The following CNTN4 variants were observed in gnomAD, a reference collection of about 807,000 sequenced individuals.
CNTN4 encodes the protein contactin 4.
In CNTN4, 77 loss-of-function variants were observed where a neutral mutation model predicts 122.5. The ratio of observed to expected loss-of-function variants is 0.63; its 90% CI spans 0.52 to 0.76. CNTN4 has a LOEUF of 0.76. Among genes scored for constraint, CNTN4 ranks in the 30% least tolerant of loss-of-function variants. The pLI is 0.00. For missense variants in CNTN4, 1,256 were observed against 1,259.1 expected, an observed-to-expected ratio of 1.00 and a Z score of 0.04; for synonymous variants, 512 against 447.0, an observed-to-expected ratio of 1.15 and a Z score of -1.83.
At chr3:2,197,749 C>G (rs2037913316) in intron 2 of CNTN4, among the ~76,000 whole-genome samples, 1 of 152,128 alleles carries the variant, frequency 6.6e-6, no homozygotes, top group Non-Finnish European at 1.5e-5. Flanking sequence ...GGCACGGTGG[C>G]TCATGCCTGT....
At chr3:2,108,513 T>C (rs2032655634) in intron 2 of CNTN4, among the ~76,000 whole-genome samples, 1 of 152,168 alleles carries the variant, frequency 6.6e-6, no homozygotes, top group South Asian at 2.1e-4. Flanking sequence ...TACATTGTAA[T>C]AGCTCTCATT....
At chr3:2,483,130 C>T (rs761000543) in intron 3 of CNTN4, among the ~76,000 whole-genome samples, 9 of 152,270 alleles carry the variant, frequency 5.9e-5, no homozygotes, top group South Asian at 2.1e-4. Context: ...GGTAGAGCTG[C>T]CCAAGGCTGT....
intron 14 of CNTN4, among the ~76,000 whole-genome samples, chr3:3,015,425 A>G (rs1697653123): frequency 6.6e-6 from 1 of 152,170 alleles, no homozygotes; most frequent in South Asian, 2.1e-4. Context: ...TACATCAAAT[A>G]AAGAGAGGGT....
At chr3:2,712,461 C>G (rs1446728297) in intron 4 of CNTN4, among the ~76,000 whole-genome samples, 6 of 152,022 alleles carry the variant, frequency 3.9e-5, no homozygotes, top group Admixed American at 3.9e-4. Flanking sequence ...TGATTAAGAT[C>G]CCTGTAACAG....
intron 3 of CNTN4, among the ~76,000 whole-genome samples, chr3:2,540,060 T>C (rs1049017016): frequency 4.2e-5 from 6 of 142,908 alleles, no homozygotes; most frequent in Non-Finnish European, 7.7e-5. Context: ...ATAATCTGCT[T>C]CATCAGTGTT....
chr3:2,355,510 A>G (rs1012727552), intron 3 of CNTN4, among the ~76,000 whole-genome samples: 3 of 152,228 alleles, frequency 2.0e-5, no homozygotes, highest in Non-Finnish European at 4.4e-5. Flanking sequence ...TGTTCAGGTC[A>G]GGAGCAAAGG....
intron 8 of CNTN4, among the ~76,000 whole-genome samples, chr3:2,881,818 C>T (rs2093914231): frequency 6.6e-6 from 1 of 151,938 alleles, no homozygotes; most frequent in African/African-American, 2.4e-5. Flanking sequence ...GTGATTGCAC[C>T]TGTCCCCCAT....
intron 3 of CNTN4, among the ~76,000 whole-genome samples, chr3:2,467,139 T>G (rs1322598460): frequency 6.6e-6 from 1 of 151,060 alleles, no homozygotes; most frequent in Non-Finnish European, 1.5e-5. Flanking sequence ...ATGGGTTTTT[T>G]TTTTTTTTTT....
chr3:2,811,586 G>A (rs931461703), intron 6 of CNTN4, among the ~76,000 whole-genome samples: 6 of 149,794 alleles, frequency 4.0e-5, no homozygotes, highest in African/African-American at 9.8e-5. Flanking sequence ...TCAGCGTCCC[G>A]AGTAGCTGGG....
chr3:2,843,943 G>GA (rs954930490), intron 7 of CNTN4, among the ~76,000 whole-genome samples: 7 of 152,244 alleles, frequency 4.6e-5, no homozygotes, highest in African/African-American at 1.7e-4. Context: ...TTCTCACTCA[G>GA]AAAAAAATCC....
intron 4 of CNTN4, among the ~76,000 whole-genome samples, chr3:2,731,478 G>A (rs1337107118): frequency 1.3e-5 from 2 of 152,182 alleles, no homozygotes; most frequent in African/African-American, 4.8e-5. Context: ...CAGTATTGGT[G>A]CCTGCACTAG....
intron 2 of CNTN4, among the ~76,000 whole-genome samples, chr3:2,105,449 A>G (rs989343748): frequency 1.3e-5 from 2 of 152,222 alleles, no homozygotes; most frequent in Non-Finnish European, 2.9e-5. Flanking sequence ...TCAGTTCCGC[A>G]TGGCCTCAGG....
intron 2 of CNTN4, among the ~76,000 whole-genome samples, chr3:2,263,398 A>G (rs1320978648): frequency 1.3e-5 from 2 of 152,144 alleles, no homozygotes; most frequent in African/African-American, 2.4e-5. Context: ...ACATTTTAAA[A>G]CAAATGCACC....
rs2093728287 is a variant in CNTN4, at chr3:2,866,739, T to A, written c.455-13T>A. On this transcript the variant is annotated splice_polypyrimidine_tract_variant and intron_variant, in intron 7 of 24. Coordinates refer to ENST00000418658, the MANE Select transcript of CNTN4 (RefSeq NM_175607.3). ...AAAAGACATATTTGTAATGAAGATT[T>A]TTTTCCTTTCAGAGCTGAGTTATGC... is the stretch of plus-strand genomic sequence containing the variant. The A allele has an allele frequency of 6.2e-7, 1 of 1,611,718 alleles. No individual in the cohort carries two copies.
chr3:2,333,330 ACCT>A (rs2043814124), intron 2 of CNTN4, among the ~76,000 whole-genome samples: 1 of 152,136 alleles, frequency 6.6e-6, no homozygotes, highest in African/African-American at 2.4e-5. Context: ...TTGATAGGAA[ACCT>A]CCTACACTGT....
At chr3:2,800,918 A>G (rs898681314) in intron 6 of CNTN4, among the ~76,000 whole-genome samples, 1 of 152,080 alleles carries the variant, frequency 6.6e-6, no homozygotes, top group Admixed American at 6.6e-5. Context: ...ACTCAAACGC[A>G]CCTACTTCCT....
rs1307894713 is a variant in CNTN4 at position 2,638,752 on chromosome 3, C to A, written c.55+67194C>A. Among the ~76,000 whole-genome samples the A allele has an allele frequency of 3.3e-5, 5 of 152,318 alleles. No homozygotes were observed. The East Asian group carries it at 7.7e-4, about 24-fold the overall frequency. ...TTTTTCTCCCCCAAACCTGTGTCAC[C>A]TGCACATGTCCCCATTTCAGATAAT... On this transcript the variant is annotated intron_variant, in intron 4 of 24. Coordinates refer to ENST00000418658, the MANE Select transcript of CNTN4 (RefSeq NM_175607.3).
chr3:2,983,726 T>G (rs943452668), intron 13 of CNTN4, among the ~76,000 whole-genome samples: 25 of 152,224 alleles, frequency 1.6e-4, no homozygotes, highest in South Asian at 6.2e-4. Flanking sequence ...AGAAGCATGA[T>G]TTGAGCCTAG....
intron 2 of CNTN4, among the ~76,000 whole-genome samples, chr3:2,144,969 A>G (rs2035176049): frequency 6.6e-6 from 1 of 152,192 alleles, no homozygotes; most frequent in Admixed American, 6.5e-5. Context: ...CATGATATAC[A>G]TCATTTTCGC....
Sources: gnomAD v4.1 joint callset for allele counts (sites outside exome capture counted in the v4.1 genomes callset) on GRCh38, gnomAD v4.1.1 for gene constraint, MANE v1.5 for transcripts, NCBI Gene and HGNC (gene_info 2026-07-23, HGNC 2026-07-21) for gene names.